The following SEC24A variants were observed in gnomAD, a reference collection of about 807,000 sequenced individuals.
SEC24A encodes protein transport protein Sec24A.
Under a neutral mutation model 129.4 loss-of-function variants are expected in SEC24A, and 93 were observed. That is an observed-to-expected ratio of 0.72 (90% CI 0.61 to 0.85). The LOEUF is 0.85. Ranked by LOEUF, SEC24A falls within the 40% of genes least tolerant of loss-of-function variation. SEC24A has a pLI of 0.00. For synonymous variants in SEC24A, 460 were observed against 467.3 expected (o/e 0.98, Z 0.20); for missense variants, 1,264 against 1,307.4 (o/e 0.97, Z 0.51).
At chr5:134,691,629 A>G (rs1580717220) in intron 11 of SEC24A, among the ~76,000 whole-genome samples, 1 of 151,148 alleles carries the variant, frequency 6.6e-6, no homozygotes, top group East Asian at 2.0e-4. Context: ...CAGCCTCCCG[A>G]GTAGCTGGGA....
chr5:134,657,528 A>G (rs1750289576), intron 1 of SEC24A, among the ~76,000 whole-genome samples: 1 of 152,088 alleles, frequency 6.6e-6, no homozygotes, highest in African/African-American at 2.4e-5. Context: ...AATTTGAGTA[A>G]TGTATAGATA....
At chr5:134,686,969 A>G (rs550044086) in intron 10 of SEC24A, 67 bp downstream of exon 10, 481 of 876,068 alleles carry the variant, frequency 5.5e-4, no homozygotes, top group Non-Finnish European at 8.1e-4. Context: ...GTAGTTTTTG[A>G]AATTAAAAAA....
At chr5:134,670,411 T>C (rs987766678) in intron 3 of SEC24A, among the ~76,000 whole-genome samples, 10 of 152,230 alleles carry the variant, frequency 6.6e-5, no homozygotes, top group African/African-American at 2.4e-4. Flanking sequence ...CTATTGAAGT[T>C]AGCAGTTTTG....
intron 1 of SEC24A, among the ~76,000 whole-genome samples, chr5:134,659,214 G>GGT (rs1750358372): frequency 6.6e-6 from 1 of 151,792 alleles, no homozygotes; most frequent in Non-Finnish European, 1.5e-5. Context: ...TGGGACTACA[G>GGT]GCACCCGCCA....
upstream of SEC24A, chr5:134,648,489 G>C (rs930019391): frequency 1.3e-5 from 2 of 152,480 alleles, no homozygotes; most frequent in African/African-American, 4.8e-5. Flanking sequence ...CCACGAAAGC[G>C]GCTACTGAAT....
intron 1 of SEC24A, among the ~76,000 whole-genome samples, chr5:134,660,090 G>C (rs188407803): frequency 1.3e-5 from 2 of 151,230 alleles, no homozygotes; most frequent in African/African-American, 4.9e-5. Context: ...AATACAACCT[G>C]TTTGCTCACG....
chr5:134,710,477 C>T (rs1752292266), intron 18 of SEC24A, among the ~76,000 whole-genome samples: 1 of 152,276 alleles, frequency 6.6e-6, no homozygotes, highest in South Asian at 2.1e-4. Flanking sequence ...AGGTGATCCT[C>T]CCACCTCATC....
At chr5:134,656,550 C>T (rs1248457651) in intron 1 of SEC24A, among the ~76,000 whole-genome samples, 3 of 152,082 alleles carry the variant, frequency 2.0e-5, no homozygotes, top group Non-Finnish European at 4.4e-5. Context: ...GGCACGATAT[C>T]CGCTCATTGC....
intron 1 of SEC24A, among the ~76,000 whole-genome samples, chr5:134,656,612 C>T (rs1750254590): frequency 6.6e-6 from 1 of 152,006 alleles, no homozygotes; most frequent in Admixed American, 6.6e-5. Flanking sequence ...CTCTGAGTAG[C>T]TGGGACTATA....
intron 10 of SEC24A, among the ~76,000 whole-genome samples, chr5:134,687,548 G>A (rs1410311524): frequency 6.6e-6 from 1 of 152,108 alleles, no homozygotes; most frequent in Non-Finnish European, 1.5e-5. Flanking sequence ...GTGGTGTGGA[G>A]GCATATAGAA....
chr5:134,708,082 C>T (rs1752218290), intron 17 of SEC24A, among the ~76,000 whole-genome samples: 1 of 151,936 alleles, frequency 6.6e-6, no homozygotes, highest in Non-Finnish European at 1.5e-5. Context: ...TGAGCCAAGA[C>T]CACACCACCG....
intron 11 of SEC24A, among the ~76,000 whole-genome samples, chr5:134,689,299 T>C (rs1453441032): frequency 1.3e-5 from 2 of 152,188 alleles, no homozygotes; most frequent in Non-Finnish European, 2.9e-5. Flanking sequence ...ATTATCACAT[T>C]ATGTAGCAAT....
At chr5:134,713,800 G>A (rs1338158774) in intron 18 of SEC24A, among the ~76,000 whole-genome samples, 1 of 151,516 alleles carries the variant, frequency 6.6e-6, no homozygotes, top group Non-Finnish European at 1.5e-5. Context: ...GGAGGCCGAG[G>A]CGGGCGGATC....
chr5:134,719,893 G>C (rs991623133), intron 20 of SEC24A, among the ~76,000 whole-genome samples: 1 of 152,094 alleles, frequency 6.6e-6, no homozygotes, highest in South Asian at 2.1e-4. Flanking sequence ...GCTGAGGCAG[G>C]AGAATCACTT....
At chr5:134,682,260 T>C (rs970280071) in intron 8 of SEC24A, 113 bp from the exon 9 acceptor site, 3 of 536,936 alleles carry the variant, frequency 5.6e-6, no homozygotes, top group African/African-American at 4.0e-5. Flanking sequence ...AAAAAGAAAA[T>C]AATTGACATT....
rs755907599 is a variant in SEC24A, at chr5:134,715,066, A to G, written c.2770A>G (p.Ile924Val). The G allele has an allele frequency of 6.2e-7, 1 of 1,613,082 alleles. No homozygotes were observed. The highest frequency in any genetic ancestry group is 1.1e-5 in the South Asian group (1 of 90,758). ...TGTNARLDER[I>V]FAMCQVKNQP... ...GACAAATGCACGTCTAGATGAACGCATTTTTGCTATGTGTCAAGTGAAAAA... is the reference window on the plus strand; with the variant it reads ...GACAAATGCACGTCTAGATGAACGCGTTTTTGCTATGTGTCAAGTGAAAAA... Residue 924 changes from isoleucine to valine, a missense_variant, in exon 19 of 23, where the codon ATT becomes GTT. Ile to Val is a conservative substitution (Grantham distance 29). Transcript: ENST00000398844.
chr5:134,673,245 A>G (rs112626914), intron 4 of SEC24A, among the ~76,000 whole-genome samples: 7,379 of 151,212 alleles, frequency 0.049, 313 homozygotes, highest in African/African-American at 0.12. Flanking sequence ...TAGTAGAGAT[A>G]GGGTTTAACC....
At chr5:134,670,965 G>A (rs1270256595) in intron 3 of SEC24A, among the ~76,000 whole-genome samples, 1 of 151,802 alleles carries the variant, frequency 6.6e-6, no homozygotes, top group Non-Finnish European at 1.5e-5. Flanking sequence ...CTCCAGCCTG[G>A]GCAACAGAGT....
At chr5:134,663,080 TCTGTTTTG>T (rs1750529393) in intron 2 of SEC24A, among the ~76,000 whole-genome samples, 2 of 152,118 alleles carry the variant, frequency 1.3e-5, no homozygotes, top group African/African-American at 4.8e-5. Flanking sequence ...TATCTGTTTT[TCTGTTTTG>T]CTTTTTATTT....
Sources: allele counts gnomAD v4.1 joint callset (sites outside exome capture counted in the v4.1 genomes callset), GRCh38; gene constraint gnomAD v4.1.1; transcripts MANE v1.5; gene names NCBI Gene and HGNC (gene_info 2026-07-23, HGNC 2026-07-21).